Variants in DTNA observed in about 807,000 individuals in gnomAD.
The protein encoded by DTNA is dystrobrevin alpha.
Under a neutral mutation model 100.7 loss-of-function variants are expected in DTNA, and 43 were observed. That is an observed-to-expected ratio of 0.43 (90% CI 0.33 to 0.55). The LOEUF (loss-of-function observed/expected upper bound fraction) is 0.55. Among genes scored for constraint, DTNA ranks in the 20% least tolerant of loss-of-function variants. The probability of loss-of-function intolerance (pLI) is 0.04; values close to 1 mark genes in which losing one functional copy is unlikely to be tolerated. For missense variants in DTNA, 798 were observed against 953.9 expected, an observed-to-expected ratio of 0.84 and a Z score of 2.15; for synonymous variants, 349 against 347.9, an observed-to-expected ratio of 1.00 and a Z score of -0.04.
At chr18:34,648,137 T>C (rs1463964835) in intron 1 of DTNA, among the ~76,000 whole-genome samples, 1 of 152,106 alleles carries the variant, frequency 6.6e-6, no homozygotes, top group African/African-American at 2.4e-5. Flanking sequence ...ATTAATACAT[T>C]TGAGGAGCTG....
intron 1 of DTNA, among the ~76,000 whole-genome samples, chr18:34,588,551 A>G (rs2049366950): frequency 1.3e-5 from 2 of 152,186 alleles, no homozygotes; most frequent in African/African-American, 4.8e-5. Flanking sequence ...ATTAAAGAGC[A>G]TCTTCATCCC....
chr18:34,743,005 C>G (rs1359671127), intron 1 of DTNA, among the ~76,000 whole-genome samples: 1 of 152,102 alleles, frequency 6.6e-6, no homozygotes. Flanking sequence ...TTGGCAATCA[C>G]CAAATTAGAG....
At chr18:34,640,123 A>G (rs1057004441) in intron 1 of DTNA, among the ~76,000 whole-genome samples, 2 of 152,360 alleles carry the variant, frequency 1.3e-5, no homozygotes, top group East Asian at 1.9e-4. Flanking sequence ...CTGTTAATCT[A>G]CAGTTGGACA....
intron 1 of DTNA, among the ~76,000 whole-genome samples, chr18:34,609,031 T>G (rs756409284): frequency 6.6e-6 from 1 of 152,154 alleles, no homozygotes; most frequent in Non-Finnish European, 1.5e-5. Flanking sequence ...CATGGCACTT[T>G]GGGAAAATAA....
rs1417995767 is a variant in DTNA at position 34,838,189 on chromosome 18, T to A, written c.1253+18T>A. ...GGCAAAGGGTAAGTTACAGCCAGAG[T>A]GTACTGGAACCCTGCATTAACTAAA... On this transcript the variant is annotated intron_variant, in intron 12 of 22. Coordinates refer to ENST00000444659, the MANE Select transcript of DTNA (RefSeq NM_001386795.1). The A allele has an allele frequency of 1.2e-6, 2 of 1,613,296 alleles. No individual in the cohort carries two copies. The highest frequency in any genetic ancestry group is 1.1e-5 in the South Asian group (1 of 91,032).
chr18:34,799,484 G>A (rs2095122271), intron 4 of DTNA, among the ~76,000 whole-genome samples: 1 of 152,122 alleles, frequency 6.6e-6, no homozygotes, highest in Non-Finnish European at 1.5e-5. Context: ...GTAGATTTGT[G>A]AAAGCAAAGA....
chr18:34,875,497 A>G (rs1317336995), intron 18 of DTNA, 99 bp downstream of exon 18: 3 of 1,548,910 alleles, frequency 1.9e-6, no homozygotes, highest in African/African-American at 2.7e-5. Context: ...ACATGTGACT[A>G]TTGTAGGGTC....
chr18:34,609,305 C>T (rs1261039364), intron 1 of DTNA, among the ~76,000 whole-genome samples: 4 of 144,996 alleles, frequency 2.8e-5, no homozygotes, highest in Admixed American at 7.1e-5. Flanking sequence ...AGTGCAGTGG[C>T]GCAATCTCGG....
rs1469379579 is a variant in DTNA at position 34,890,283 on chromosome 18, C to T, written c.*2549C>T. ...TGACCAATTTCTGACTAACCAGCCA[C>T]CTTTTCTCTCTCTTAGCTCCACGTC... On this transcript the variant is annotated 3_prime_UTR_variant, in exon 23 of 23. Transcript: ENST00000444659. 1 of 1,530,904 alleles carries T rather than the reference C, an allele frequency of 6.5e-7. No individual in the cohort carries two copies. The highest frequency in any genetic ancestry group is 1.4e-5 in the African/African-American group (1 of 72,910). 94.8% of individuals were successfully genotyped at this position (1,530,904 alleles called of 1,614,324 possible).
chr18:34,673,620 C>G (rs910721184), intron 1 of DTNA, among the ~76,000 whole-genome samples: 7 of 152,052 alleles, frequency 4.6e-5, no homozygotes, highest in Non-Finnish European at 8.8e-5. Flanking sequence ...ACTGGATACC[C>G]AACTGAACTG....
intron 1 of DTNA, among the ~76,000 whole-genome samples, chr18:34,563,759 AC>A (rs1168422680): frequency 6.6e-6 from 1 of 152,234 alleles, no homozygotes; most frequent in African/African-American, 2.4e-5. Flanking sequence ...CCTTAAATCC[AC>A]CAAAATTTAG....
At chr18:34,567,543 A>G (rs1037667343) in intron 1 of DTNA, among the ~76,000 whole-genome samples, 1 of 152,168 alleles carries the variant, frequency 6.6e-6, no homozygotes, top group Non-Finnish European at 1.5e-5. Context: ...AGAAATTTTT[A>G]AGTTGAAGCA....
At chr18:34,576,262 A>G (rs1178664886) in intron 1 of DTNA, among the ~76,000 whole-genome samples, 1 of 152,146 alleles carries the variant, frequency 6.6e-6, no homozygotes, top group East Asian at 1.9e-4. Flanking sequence ...ACTGCCTCTG[A>G]TTGAGAATGT....
chr18:34,681,988 C>T (rs2078197687), intron 1 of DTNA, among the ~76,000 whole-genome samples: 1 of 152,144 alleles, frequency 6.6e-6, no homozygotes, highest in East Asian at 1.9e-4. Context: ...CCTCACCCCT[C>T]ATCTTTTTAC....
intron 1 of DTNA, among the ~76,000 whole-genome samples, chr18:34,574,759 G>C (rs1420721620): frequency 6.6e-6 from 1 of 152,120 alleles, no homozygotes; most frequent in Admixed American, 6.5e-5. Context: ...TACCTCCCAA[G>C]TAGCTGGGAC....
At chr18:34,610,506 A>G (rs2054015542) in intron 1 of DTNA, among the ~76,000 whole-genome samples, 1 of 152,170 alleles carries the variant, frequency 6.6e-6, no homozygotes, top group Non-Finnish European at 1.5e-5. Context: ...TATATTGTCA[A>G]CTTATCTTTT....
chr18:34,838,692 T>C (rs900534557), intron 12 of DTNA, 53 bp from the exon 13 acceptor site: 7 of 1,506,370 alleles, frequency 4.6e-6, no homozygotes, highest in Admixed American at 1.7e-5. Flanking sequence ...CCTCTACTTA[T>C]TTCTGTCCAC....
chr18:34,850,907 G>A (rs772533725), intron 14 of DTNA, among the ~76,000 whole-genome samples: 6 of 151,950 alleles, frequency 3.9e-5, no homozygotes, highest in East Asian at 1.9e-4. Context: ...TATACCAGTC[G>A]TTAAAGCTGA....
At chr18:34,591,672 C>G (rs148716086) in intron 1 of DTNA, among the ~76,000 whole-genome samples, 138 of 152,296 alleles carry the variant, frequency 9.1e-4, no homozygotes, top group Middle Eastern at 3.4e-3. Flanking sequence ...TTTGTGAAGT[C>G]ATTAGAATGC....
Sources: allele counts gnomAD v4.1 joint callset (sites outside exome capture counted in the v4.1 genomes callset), GRCh38; gene constraint gnomAD v4.1.1; transcripts MANE v1.5; gene names NCBI Gene and HGNC (gene_info 2026-07-23, HGNC 2026-07-21).